The following GPR15LG variants were observed in gnomAD, a reference collection of about 807,000 sequenced individuals.
The protein encoded by GPR15LG is protein GPR15LG.
chr10:84,178,186 C>T, the GPR15LG span, among the ~76,000 whole-genome samples: 1,502 of 151,904 alleles, frequency 9.9e-3, 16 homozygotes, highest in African/African-American at 0.034. Flanking sequence ...CACAACTACA[C>T]ACACAGACAC....
chr10:84,173,972 G>A, the GPR15LG span: 1 of 1,374,072 alleles, frequency 7.3e-7, no homozygotes, highest in Non-Finnish European at 1.0e-6. Flanking sequence ...CAGCATCTGG[G>A]AAGACTCTGA....
At chr10:84,173,807 GCAGCA>G in the GPR15LG span, 1 of 1,411,396 alleles carries the variant, frequency 7.1e-7, no homozygotes, top group Non-Finnish European at 1.0e-6. Flanking sequence ...GAGGACTTCT[GCAGCA>G]CAGCTCCCTT....
chr10:84,174,616 C>T, the GPR15LG span, among the ~76,000 whole-genome samples: 1 of 151,768 alleles, frequency 6.6e-6, no homozygotes, highest in Non-Finnish European at 1.5e-5. Context: ...CCTCAGCCTC[C>T]CAAGTAGCTG....
At chr10:84,175,391 C>G in the GPR15LG span, among the ~76,000 whole-genome samples, 7 of 152,220 alleles carry the variant, frequency 4.6e-5, no homozygotes, top group African/African-American at 1.7e-4. Context: ...TTAGGACTAT[C>G]TGTAGCAAAC....
chr10:84,176,615 G>GTGGCCA, the GPR15LG span: 1 of 1,398,186 alleles, frequency 7.2e-7, no homozygotes, highest in South Asian at 1.2e-5. Context: ...AAGTTCTACA[G>GTGGCCA]TGGCCATGGG....
the GPR15LG span, among the ~76,000 whole-genome samples, chr10:84,181,240 A>ATTT: frequency 8.5e-6 from 1 of 117,952 alleles, no homozygotes; most frequent in Non-Finnish European, 1.8e-5. Context: ...AAAAAATTAA[A>ATTT]TTTTTTTTTT....
the GPR15LG span, among the ~76,000 whole-genome samples, chr10:84,179,285 T>C: frequency 6.6e-6 from 1 of 152,214 alleles, no homozygotes; most frequent in Non-Finnish European, 1.5e-5. Context: ...GGACTTGGCA[T>C]CAAGCCTGCC....
the GPR15LG span, among the ~76,000 whole-genome samples, chr10:84,175,884 T>G: frequency 1.1e-4 from 17 of 152,096 alleles, no homozygotes; most frequent in Admixed American, 2.0e-4. Context: ...TTTTTTCTTT[T>G]TTTCTTTTTT....
the GPR15LG span, chr10:84,176,507 C>T: frequency 1.9e-6 from 3 of 1,613,762 alleles, no homozygotes; most frequent in East Asian, 6.7e-5. Context: ...AAGGCCTGGT[C>T]AGGCAGGAGA....
chr10:84,181,938 G>A, the GPR15LG span, among the ~76,000 whole-genome samples: 9 of 152,186 alleles, frequency 5.9e-5, no homozygotes, highest in Non-Finnish European at 1.2e-4. Context: ...GAAGCTATTT[G>A]GGAAGACTGG....
At chr10:84,184,683 C>T in the GPR15LG span, 1 of 1,614,088 alleles carries the variant, frequency 6.2e-7, no homozygotes, top group Non-Finnish European at 8.5e-7. Flanking sequence ...CCTCCCAGGA[C>T]ATCATGTGAG....
At chr10:84,174,147 C>A in the GPR15LG span, among the ~76,000 whole-genome samples, 27 of 152,326 alleles carry the variant, frequency 1.8e-4, no homozygotes, top group African/African-American at 6.5e-4. Context: ...AAATACATAC[C>A]CAGCCTAAGT....
At chr10:84,173,879 C>T in the GPR15LG span, 3 of 1,613,824 alleles carry the variant, frequency 1.9e-6, no homozygotes, top group Non-Finnish European at 2.5e-6. Context: ...TTCCAGCCTG[C>T]TCTGTATCCT....
chr10:84,174,892 C>G, the GPR15LG span, among the ~76,000 whole-genome samples: 1 of 152,066 alleles, frequency 6.6e-6, no homozygotes, highest in Non-Finnish European at 1.5e-5. Context: ...GTTATGGTTA[C>G]TCAAACTTTT....
At chr10:84,180,134 C>A in the GPR15LG span, among the ~76,000 whole-genome samples, 87 of 152,306 alleles carry the variant, frequency 5.7e-4, no homozygotes, top group African/African-American at 2.0e-3. Flanking sequence ...CATCTTGCAC[C>A]GCCCTTAATC....
At chr10:84,180,086 A>T in the GPR15LG span, among the ~76,000 whole-genome samples, 1,388 of 152,286 alleles carry the variant, frequency 9.1e-3, 18 homozygotes, top group African/African-American at 0.032. Flanking sequence ...ATGACTCTTA[A>T]CGAGTATGCT....
chr10:84,175,138 A>C, the GPR15LG span, among the ~76,000 whole-genome samples: 44 of 152,344 alleles, frequency 2.9e-4, no homozygotes, highest in African/African-American at 1.0e-3. Flanking sequence ...TTTACAACCC[A>C]GTGTCAGCAG....
chr10:84,181,716 A>G, the GPR15LG span, among the ~76,000 whole-genome samples: 8 of 152,236 alleles, frequency 5.3e-5, no homozygotes, highest in Non-Finnish European at 1.2e-4. Context: ...GGCGTGAGCC[A>G]CTGCATCTGG....
chr10:84,184,566 T>TAA, the GPR15LG span: 1,979 of 1,062,530 alleles, frequency 1.9e-3, 5 homozygotes, highest in Admixed American at 3.2e-3. Context: ...AATTTTTTTT[T>TAA]AAATGTGTTT....
Sources: gnomAD v4.1 joint callset for allele counts (sites outside exome capture counted in the v4.1 genomes callset) on GRCh38, gnomAD v4.1.1 for gene constraint, MANE v1.5 for transcripts, NCBI Gene and HGNC (gene_info 2026-07-23, HGNC 2026-07-21) for gene names.